CAPN15: variants seen among roughly 807,000 people sequenced by gnomAD.
CAPN15 encodes the protein calpain 15, also known as calpain-15.
In CAPN15, 53 loss-of-function variants were observed where a neutral mutation model predicts 97.9. The ratio of observed to expected loss-of-function variants is 0.54; its 90% confidence interval spans 0.43 to 0.68. The LOEUF is 0.68. Ranked by LOEUF, CAPN15 falls within the 30% of genes least tolerant of loss-of-function variation. The pLI is 0.00. For missense variants in CAPN15, 1,592 were observed against 1,589.8 expected (o/e 1.00, Z -0.02); for synonymous variants, 922 against 722.5 (o/e 1.28, Z -4.43).
At chr16:551,037 GGGCCCCGGTC>G (rs2035012424) in intron 7 of CAPN15, among the ~76,000 whole-genome samples, 1 of 145,508 alleles carries the variant, frequency 6.9e-6, no homozygotes, top group African/African-American at 2.6e-5. Context: ...CGGTCGGTGA[GGGCCCCGGTC>G]GGTGAGGGTC....
intron 1 of CAPN15, 91 bp downstream of exon 1, chr16:528,120 C>A: frequency 6.8e-6 from 1 of 147,988 alleles, no homozygotes; most frequent in South Asian, 2.0e-4. Context: ...AGCGCGGGCT[C>A]GGCGGGGCGC....
chr16:533,868 G>A, intron 1 of CAPN15, 78 bp from the exon 2 acceptor site: 1 of 694,774 alleles, frequency 1.4e-6, no homozygotes, highest in Non-Finnish European at 1.8e-6. Context: ...GAGAGGGCTG[G>A]AGGCGGGGCT....
At chr16:540,951 C>A (rs576171308) in intron 3 of CAPN15, among the ~76,000 whole-genome samples, 1 of 152,340 alleles carries the variant, frequency 6.6e-6, no homozygotes, top group African/African-American at 2.4e-5. Flanking sequence ...GTCACCCCGT[C>A]CTGGCCCTCA....
chr16:553,303 T>G, intron 13 of CAPN15, 36 bp from the exon 14 acceptor site: 4 of 816,404 alleles, frequency 4.9e-6, no homozygotes, highest in Non-Finnish European at 1.8e-6. Flanking sequence ...ATCCCCACCC[T>G]GCCCTCCACA....
intron 2 of CAPN15, among the ~76,000 whole-genome samples, chr16:534,861 T>A (rs2033587274): frequency 6.6e-6 from 1 of 152,174 alleles, no homozygotes; most frequent in East Asian, 1.9e-4. Flanking sequence ...TCGCTGTGGT[T>A]CCCATGGTGG....
chr16:536,027 A>T lies in CAPN15; in HGVS notation c.-136-2A>T. ...CGCCCCCCCCCCCCCCCGGTTATTC[A>T]GACAGGGAGCCAGGATGGGAACCAC... On this transcript the variant is annotated splice_acceptor_variant, in intron 2 of 13. Coordinates refer to ENST00000219611, the MANE Select transcript of CAPN15 (RefSeq NM_005632.3). LOFTEE classifies it low-confidence loss of function (5UTR_SPLICE). 1 of 143,046 alleles carries T rather than the reference A, an allele frequency of 7.0e-6. No individual in the cohort carries two copies. Among genetic ancestry groups the T allele is most frequent in the Non-Finnish European group, 1.0e-5 (1 of 97,174 alleles). 8.9% of individuals were successfully genotyped at this position (143,046 alleles called of 1,614,324 possible). A position where few individuals can be genotyped will look rare whatever the true frequency, so the allele number is the denominator to read the frequency against.
rs1273014287 is a variant in CAPN15, at chr16:549,130, C to T, written c.1587C>T (p.His529=). The change falls in exon 5 of 14, where the codon CAC becomes CAT. Residue 529 remains histidine (H), a synonymous_variant. Coordinates refer to ENST00000219611, the MANE Select transcript of CAPN15 (RefSeq NM_005632.3). ...QEINCSVFRD[H]RATWSVFHTL... ...TCAACTGCTCCGTCTTCAGGGACCACAGGGCCACGTGGTCTGTGTTCCACA... is the reference window on the plus strand; with the variant it reads ...TCAACTGCTCCGTCTTCAGGGACCATAGGGCCACGTGGTCTGTGTTCCACA... 3 of 1,611,790 alleles carry T rather than the reference C, an allele frequency of 1.9e-6. No individual in the cohort carries two copies. Among genetic ancestry groups the T allele is most frequent in the Middle Eastern group, 1.6e-4 (1 of 6,062 alleles).
At chr16:539,967 C>T (rs1283174869) in intron 3 of CAPN15, 4 of 610,028 alleles carry the variant, frequency 6.6e-6, no homozygotes, top group African/African-American at 6.0e-5. Context: ...TGAGATGTCC[C>T]CTCAGCCTAC....
At chr16:542,732 C>T (rs557039077) in intron 3 of CAPN15, among the ~76,000 whole-genome samples, 97 of 151,730 alleles carry the variant, frequency 6.4e-4, no homozygotes, top group Middle Eastern at 3.4e-3. Flanking sequence ...GAACTACAGG[C>T]GTGCACCACC....
intron 2 of CAPN15, among the ~76,000 whole-genome samples, chr16:534,444 G>A (rs375786071): frequency 1.1e-4 from 16 of 152,290 alleles, no homozygotes; most frequent in African/African-American, 2.9e-4. Context: ...CATTTGGGGC[G>A]GGCGGTCGGA....
At chr16:532,145 C>G (rs1186739044) in intron 1 of CAPN15, among the ~76,000 whole-genome samples, 2 of 149,410 alleles carry the variant, frequency 1.3e-5, no homozygotes, top group Admixed American at 1.3e-4. Context: ...GAGGCTGAGA[C>G]TGTAGAATTG....
chr16:547,863 C>T lies in CAPN15; in HGVS notation c.1025C>T (p.Thr342Ile). Reference sequence around the variant, plus strand: ...GCCAGCCCCTCCAGCCCCGACTTCACCACCTGGTCATGTGCCAAGTGCACG... The same window carrying T: ...GCCAGCCCCTCCAGCCCCGACTTCATCACCTGGTCATGTGCCAAGTGCACG... ...TPASPSSPDF[T>I]TWSCAKCTLR... The change falls in exon 4 of 14, where the codon ACC becomes ATC. Residue 342 changes from threonine to isoleucine, a missense_variant. By Grantham distance (89) the Thr-to-Ile change is moderately conservative. Coordinates refer to ENST00000219611, the MANE Select transcript of CAPN15 (RefSeq NM_005632.3). 1 of 1,611,558 alleles carries T rather than the reference C, an allele frequency of 6.2e-7. No individual in the cohort carries two copies.
rs572962572 is a variant in CAPN15, at chr16:530,666, G to A, written c.-190+2637G>A. Reference sequence around the variant, plus strand: ...GCCCAGGGAGGTGTCTGGGCGTGGAGTCTGTGGACAGCCACATTGTACCAC... The same window carrying A: ...GCCCAGGGAGGTGTCTGGGCGTGGAATCTGTGGACAGCCACATTGTACCAC... On this transcript the variant is annotated intron_variant, in intron 1 of 13. Coordinates refer to ENST00000219611, the MANE Select transcript of CAPN15 (RefSeq NM_005632.3). 7.9e-5 allele frequency among the ~76,000 whole-genome samples: 12 copies of A among 152,332 alleles called. No individual in the cohort carries two copies. The South Asian group carries it at 2.5e-3, about 32-fold the overall frequency.
chr16:546,185 C>T (rs938151605), intron 3 of CAPN15, among the ~76,000 whole-genome samples: 2 of 152,388 alleles, frequency 1.3e-5, no homozygotes, highest in Admixed American at 1.3e-4. Flanking sequence ...ACAGAACACC[C>T]GTGTTGCTCG....
At position 554,633 on chromosome 16, in the gene CAPN15, G is replaced by C. The variant is rs2035317319; in HGVS notation, c.*1117G>C. 2.2e-6 allele frequency: 1 copy of C among 456,076 alleles called. No individual in the cohort carries two copies. Among genetic ancestry groups the C allele is most frequent in the Admixed American group, 2.3e-5 (1 of 42,558 alleles). 28.3% of individuals were successfully genotyped at this position (456,076 alleles called of 1,614,324 possible). A position where few individuals can be genotyped will look rare whatever the true frequency, so the allele number is the denominator to read the frequency against. ...GGACCAAATAAAAGCGTTTTGTTTT[G>C]TAATCACGCCTCCTCCTCCTGCTGT... On this transcript the variant is annotated 3_prime_UTR_variant, in exon 14 of 14. Coordinates refer to ENST00000219611, the MANE Select transcript of CAPN15 (RefSeq NM_005632.3).
intron 13 of CAPN15, 79 bp downstream of exon 13, chr16:553,120 C>G: frequency 1.9e-6 from 1 of 538,534 alleles, no homozygotes; most frequent in Non-Finnish European, 2.9e-6. Flanking sequence ...CCAACTCGTG[C>G]CCCCCCACCC....
At chr16:545,765 C>T (rs1037009775) in intron 3 of CAPN15, among the ~76,000 whole-genome samples, 4 of 152,208 alleles carry the variant, frequency 2.6e-5, no homozygotes, top group African/African-American at 9.6e-5. Context: ...CTGCGGTCAG[C>T]GGGGTGCAGA....
intron 1 of CAPN15, among the ~76,000 whole-genome samples, chr16:530,660 C>T (rs904171321): frequency 2.6e-5 from 4 of 152,160 alleles, no homozygotes; most frequent in African/African-American, 9.7e-5. Context: ...GGTGTCTGGG[C>T]GTGGAGTCTG....
In CAPN15 at chr16:548,064, TG is replaced by T; in HGVS notation, c.1227del (p.Glu411SerfsTer41). 6.5e-7 allele frequency: 1 copy of T among 1,545,518 alleles called. No homozygotes were observed. Among genetic ancestry groups the T allele is most frequent in the Non-Finnish European group, 8.7e-7 (1 of 1,146,284 alleles). On this transcript the variant is annotated frameshift_variant, in exon 4 of 14. Coordinates refer to ENST00000219611, the MANE Select transcript of CAPN15 (RefSeq NM_005632.3). LOFTEE classifies it high-confidence loss of function. ...TCGGCCCAGAAGGCCGCCCGCGTCC[TG>T]CCCGAGCGCCCGGGCCAGTGGGCCT... ...VSSAQKAARV[L>X]PERPGQWACP... is the part of the protein sequence containing the mutation.
Sources: allele counts gnomAD v4.1 joint callset (sites outside exome capture counted in the v4.1 genomes callset), GRCh38; gene constraint gnomAD v4.1.1; transcripts MANE v1.5; gene names NCBI Gene and HGNC (gene_info 2026-07-23, HGNC 2026-07-21).